Variants in EEPD1 observed in about 807,000 individuals in gnomAD.
EEPD1 encodes endonuclease/exonuclease/phosphatase family domain containing 1, also known as endonuclease/exonuclease/phosphatase family domain-containing protein 1.
A neutral mutation model predicts 46.3 loss-of-function variants in EEPD1; 17 were observed. The ratio of observed to expected loss-of-function variants is 0.37; its 90% confidence interval spans 0.25 to 0.55. The LOEUF is 0.55. Among genes scored for constraint, EEPD1 ranks in the 20% least tolerant of loss-of-function variants. The pLI is 0.83. For synonymous variants in EEPD1, 313 were observed against 315.6 expected, an observed-to-expected ratio of 0.99 and a Z score of 0.09; for missense variants, 673 against 745.6, an observed-to-expected ratio of 0.90 and a Z score of 1.13.
chr7:36,180,816 C>A (rs1054232978), intron 2 of EEPD1, among the ~76,000 whole-genome samples: 1 of 152,100 alleles, frequency 6.6e-6, no homozygotes, highest in Admixed American at 6.5e-5. Context: ...CTCAGCTCCA[C>A]CCCAAATCTG....
intron 2 of EEPD1, among the ~76,000 whole-genome samples, chr7:36,189,223 G>T (rs745547938): frequency 6.6e-6 from 1 of 152,148 alleles, no homozygotes; most frequent in Non-Finnish European, 1.5e-5. Flanking sequence ...ACACAGGGTG[G>T]TCCCCAAAAA....
chr7:36,255,835 CTCTTA>C (rs374616393), intron 3 of EEPD1, among the ~76,000 whole-genome samples: 150 of 152,114 alleles, frequency 9.9e-4, no homozygotes, highest in African/African-American at 3.3e-3. Flanking sequence ...TTCAATTCTT[CTCTTA>C]TCTTAATTAT....
chr7:36,218,176 G>A (rs1219087539), intron 2 of EEPD1, among the ~76,000 whole-genome samples: 1 of 152,166 alleles, frequency 6.6e-6, no homozygotes, highest in African/African-American at 2.4e-5. Flanking sequence ...CTATTTTCAA[G>A]TGCACGAGGG....
chr7:36,190,990 A>G (rs1284985406), intron 2 of EEPD1, among the ~76,000 whole-genome samples: 1 of 152,234 alleles, frequency 6.6e-6, no homozygotes, highest in African/African-American at 2.4e-5. Context: ...CCTCTTCCCC[A>G]GAAAAGGCTT....
intron 3 of EEPD1, among the ~76,000 whole-genome samples, chr7:36,249,758 T>C (rs1469886364): frequency 6.6e-6 from 1 of 152,232 alleles, no homozygotes; most frequent in Non-Finnish European, 1.5e-5. Flanking sequence ...TGCCTACAGC[T>C]GTGGACAAGA....
chr7:36,214,457 G>A (rs1785993212), intron 2 of EEPD1, among the ~76,000 whole-genome samples: 2 of 152,184 alleles, frequency 1.3e-5, no homozygotes, highest in Non-Finnish European at 2.9e-5. Flanking sequence ...AACAGGTCTG[G>A]TCAGGGAGAT....
intron 2 of EEPD1, among the ~76,000 whole-genome samples, chr7:36,233,471 G>A (rs148424879): frequency 1.2e-4 from 19 of 152,330 alleles, no homozygotes; most frequent in African/African-American, 3.6e-4. Flanking sequence ...TTCCTTGAGC[G>A]CTTTCCATGT....
intron 2 of EEPD1, among the ~76,000 whole-genome samples, chr7:36,201,535 TTC>T (rs1785712396): frequency 6.6e-6 from 1 of 152,130 alleles, no homozygotes; most frequent in Non-Finnish European, 1.5e-5. Flanking sequence ...CTGGCTGAGC[TTC>T]TGTTTCCTGA....
In EEPD1 at chr7:36,186,779, G is replaced by A. The variant is rs533192849; in HGVS notation, c.878+31577G>A. On this transcript the variant is annotated intron_variant, in intron 2 of 7. Coordinates refer to ENST00000242108, the MANE Select transcript of EEPD1 (RefSeq NM_030636.3). The stretch of plus-strand genomic sequence containing the variant: ...TGCCACTAGGGTATATGCAAAATTG[G>A]GACTGATTAAAATTTAGTAAGCTAA... Among the ~76,000 whole-genome samples the A allele has an allele frequency of 3.9e-5, 6 of 152,246 alleles. No individual in the cohort carries two copies. The South Asian group carries it at 1.2e-3, about 32-fold the overall frequency.
rs1787541052 is a variant in EEPD1 at position 36,297,193 on chromosome 7, G to A, written c.1510+6G>A. On this transcript the variant is annotated splice_donor_region_variant and intron_variant, in intron 7 of 7. Transcript: ENST00000242108. ...CTTAAAGAAGGTTTTCACAGGTGAG[G>A]CAGAACTCACTTGTCCTTTCTCCTG... 6.2e-7 allele frequency: 1 copy of A among 1,613,532 alleles called. No homozygotes were observed. The highest frequency in any genetic ancestry group is 1.3e-5 in the African/African-American group (1 of 74,922).
At chr7:36,195,853 A>G (rs536661524) in intron 2 of EEPD1, among the ~76,000 whole-genome samples, 14 of 152,360 alleles carry the variant, frequency 9.2e-5, no homozygotes, top group African/African-American at 2.4e-4. Context: ...ATTATGTTGT[A>G]TACCATAAAT....
rs770290299 is a variant in EEPD1, at chr7:36,281,209, C to G, written c.1025C>G (p.Ser342Trp). The G allele has an allele frequency of 6.2e-7, 1 of 1,614,010 alleles. No individual in the cohort carries two copies. The highest frequency in any genetic ancestry group is 1.3e-5 in the African/African-American group (1 of 74,924). Residue 342 changes from serine (S) to tryptophan (W), a missense_variant, in exon 4 of 8, where the codon TCG becomes TGG. Physicochemically the swap from Ser to Trp is radical, Grantham distance 177. Transcript: ENST00000242108. ...AAGGCTGTTGTTGCTGAGAAGCCCT[C>G]GAGTCAGCTCCAGAAGGTACCCTCG... Reference protein sequence around the residue: ...CWKAVVAEKPSSQLQKGAGYA... With the variant: ...CWKAVVAEKPWSQLQKGAGYA...
rs3053348 is a variant in EEPD1 at position 36,183,888 on chromosome 7, T to TTTTG, written c.878+28686_878+28687insTTTG. Reference sequence around the variant, plus strand: ...TTCCTAGCCCTCGTTTTTTTTTTTTTATTTTTAAAAAAATGTGTGTTGTTG... The same window carrying TTTTG: ...TTCCTAGCCCTCGTTTTTTTTTTTTTTTTGATTTTTAAAAAAATGTGTGTTGTTG... On this transcript the variant is annotated intron_variant, in intron 2 of 7. Coordinates refer to ENST00000242108, the MANE Select transcript of EEPD1 (RefSeq NM_030636.3). Among the ~76,000 whole-genome samples the TTTTG allele has an allele frequency of 1.1e-4, 15 of 135,486 alleles. 2 individuals are homozygous for TTTTG. The highest frequency in any genetic ancestry group is 1.6e-4 in the Non-Finnish European group (10 of 60,640). The allele number at this position is 135,486 out of a possible 152,430, so 88.9% of individuals were successfully genotyped here. A position where few individuals can be genotyped will look rare whatever the true frequency, so the allele number is the denominator to read the frequency against.
At chr7:36,160,670 A>AGGT (rs544001759) in intron 2 of EEPD1, among the ~76,000 whole-genome samples, 22 of 55,408 alleles carry the variant, frequency 4.0e-4, no homozygotes, top group African/African-American at 8.0e-4. Flanking sequence ...GACTGCTGGG[A>AGGT]GGTGGTGGGG....
intron 2 of EEPD1, among the ~76,000 whole-genome samples, chr7:36,200,142 C>T (rs1357570151): frequency 6.6e-6 from 1 of 151,904 alleles, no homozygotes; most frequent in African/African-American, 2.4e-5. Flanking sequence ...CACTCTCCAT[C>T]CTCAAGTAAA....
At chr7:36,166,002 G>A (rs1784976538) in intron 2 of EEPD1, among the ~76,000 whole-genome samples, 1 of 152,200 alleles carries the variant, frequency 6.6e-6, no homozygotes, top group African/African-American at 2.4e-5. Context: ...ACTGTAAACG[G>A]AGAGGGATTC....
Position 36,154,220 on chromosome 7 carries a change from C to G in EEPD1, c.-105C>G. ...TAACCTCTTCAGTCCCTGAATCCTG[C>G]ACCTTCCGTTTTTCTGTGCTTGTAC... On this transcript the variant is annotated 5_prime_UTR_variant, in exon 2 of 8. Coordinates refer to ENST00000242108, the MANE Select transcript of EEPD1 (RefSeq NM_030636.3). The surrounding 1 kb of genome is among the most constrained non-coding windows in gnomAD (Gnocchi z 4.2). The G allele has an allele frequency of 7.2e-7, 1 of 1,381,884 alleles. No individual in the cohort carries two copies. The highest frequency in any genetic ancestry group is 1.5e-5 in the South Asian group (1 of 68,746). The allele number at this position is 1,381,884 out of a possible 1,614,324, so 85.6% of individuals were successfully genotyped here.
chr7:36,240,577 T>C (rs1424019277), intron 3 of EEPD1, among the ~76,000 whole-genome samples: 1 of 152,214 alleles, frequency 6.6e-6, no homozygotes, highest in African/African-American at 2.4e-5. Context: ...CATTCAGCCA[T>C]GAAAACATAG....
intron 2 of EEPD1, among the ~76,000 whole-genome samples, chr7:36,227,710 C>A (rs375671387): frequency 6.6e-6 from 1 of 151,938 alleles, no homozygotes; most frequent in Non-Finnish European, 1.5e-5. Context: ...TGTTTCGAGA[C>A]GGGAGTTTTG....
Sources: allele counts gnomAD v4.1 joint callset (sites outside exome capture counted in the v4.1 genomes callset), GRCh38; gene constraint gnomAD v4.1.1; non-coding constraint Gnocchi (gnomAD v3.1); transcripts MANE v1.5; gene names NCBI Gene and HGNC (gene_info 2026-07-23, HGNC 2026-07-21).